The following AMBRA1 variants were observed in gnomAD, a reference collection of about 807,000 sequenced individuals.
AMBRA1 encodes the protein autophagy and beclin 1 regulator 1.
A neutral mutation model predicts 125.4 loss-of-function variants in AMBRA1; 47 were observed. The observed-to-expected ratio is 0.37, with a 90% CI of 0.30 to 0.48. The LOEUF (loss-of-function observed/expected upper bound fraction) is 0.48. Ranked by LOEUF, AMBRA1 falls within the 20% of genes least tolerant of loss-of-function variation. AMBRA1 has a pLI of 0.99. For synonymous variants in AMBRA1, 626 were observed against 655.5 expected (o/e 0.95, Z 0.69); for missense variants, 1,331 against 1,693.4 (o/e 0.79, Z 3.76).
At chr11:46,407,170 C>T (rs1422076133) in intron 17 of AMBRA1, among the ~76,000 whole-genome samples, 1 of 152,104 alleles carries the variant, frequency 6.6e-6, no homozygotes, top group Non-Finnish European at 1.5e-5. Flanking sequence ...TGCCACTGCA[C>T]TCCAGCTTAG....
At chr11:46,518,862 T>C (rs2135083065) in intron 7 of AMBRA1, among the ~76,000 whole-genome samples, 1 of 152,362 alleles carries the variant, frequency 6.6e-6, no homozygotes, top group Admixed American at 6.5e-5. Context: ...CTATTTTTTC[T>C]TTCCCTGATT....
chr11:46,498,873 C>T (rs1004530949), intron 9 of AMBRA1, among the ~76,000 whole-genome samples: 6 of 152,200 alleles, frequency 3.9e-5, no homozygotes, highest in African/African-American at 1.4e-4. Flanking sequence ...TCTGTTTCTA[C>T]TCAATCTCCA....
chr11:46,415,699 T>C (rs1490866361), intron 15 of AMBRA1, among the ~76,000 whole-genome samples: 2 of 152,364 alleles, frequency 1.3e-5, no homozygotes, highest in East Asian at 3.9e-4. Context: ...TGGGCTAAAC[T>C]AGTTTTCTTA....
At chr11:46,414,533 T>C (rs1366331743) in intron 15 of AMBRA1, among the ~76,000 whole-genome samples, 1 of 152,208 alleles carries the variant, frequency 6.6e-6, no homozygotes, top group Admixed American at 6.5e-5. Flanking sequence ...GGCAGTGGGC[T>C]TCCCGCCAGC....
At position 46,534,953 on chromosome 11, in the gene AMBRA1, C is replaced by A. The variant is rs573339580; in HGVS notation, c.2072+6992G>T. The stretch of plus-strand genomic sequence containing the variant: ...CTTCTCAGAGTGCTGGGATTACAGG[C>A]ATGAGCCACCACACCCAGCCCTCAG... On this transcript the variant is annotated intron_variant, in intron 7 of 17. Coordinates refer to ENST00000683756, the MANE Select transcript of AMBRA1 (RefSeq NM_001387011.1). Among the ~76,000 whole-genome samples, 3 of 152,360 alleles carry A rather than the reference C, an allele frequency of 2.0e-5. No individual in the cohort carries two copies. The East Asian group carries it at 5.8e-4, about 29-fold the overall frequency.
chr11:46,591,620 G>A (rs1165499536), intron 1 of AMBRA1, among the ~76,000 whole-genome samples: 1 of 152,054 alleles, frequency 6.6e-6, no homozygotes, highest in African/African-American at 2.4e-5. Flanking sequence ...ACTTTGGGAG[G>A]CCAAGGCAGG....
chr11:46,574,332 T>C (rs1431450218), intron 1 of AMBRA1, among the ~76,000 whole-genome samples: 5 of 148,074 alleles, frequency 3.4e-5, no homozygotes, highest in African/African-American at 1.3e-4. Context: ...CACCTGTTGT[T>C]TCCTGACTTT....
rs1948111971 is a variant in AMBRA1 at position 46,443,359 on chromosome 11, C to T, written c.2632+129G>A. ...TGAAAAGAAAGTTACAGAAGAGGTG[C>T]AGAAATGGCATGTAGATAACAACTG... On this transcript the variant is annotated intron_variant, in intron 12 of 17. Transcript: ENST00000683756. 1.2e-5 allele frequency: 8 copies of T among 681,012 alleles called. No individual in the cohort carries two copies. The South Asian group carries it at 1.3e-4, about 11-fold the overall frequency. The allele number at this position is 681,012 out of a possible 1,614,324, so 42.2% of individuals were successfully genotyped here. A position where few individuals can be genotyped will look rare whatever the true frequency, so the allele number is the denominator to read the frequency against.
intron 1 of AMBRA1, among the ~76,000 whole-genome samples, chr11:46,563,516 G>A (rs7110413): frequency 0.019 from 2,850 of 152,090 alleles, 99 homozygotes; most frequent in African/African-American, 0.065. Context: ...TGAGCCACAC[G>A]GCACCCTGAT....
chr11:46,571,043 G>A (rs2043739431), intron 1 of AMBRA1, among the ~76,000 whole-genome samples: 1 of 152,190 alleles, frequency 6.6e-6, no homozygotes, highest in Admixed American at 6.5e-5. Flanking sequence ...AGTACAAAGT[G>A]GCATGGTTTG....
chr11:46,516,423 CTTTTTTTTTTTT>C (rs1162985350), intron 7 of AMBRA1, among the ~76,000 whole-genome samples: 4 of 73,178 alleles, frequency 5.5e-5, no homozygotes, highest in Non-Finnish European at 1.0e-4. Context: ...AAAGATCTTT[CTTTTTTTTTTTT>C]TTTTTTTTTT....
chr11:46,545,295 A>G (rs2135179559), intron 5 of AMBRA1, among the ~76,000 whole-genome samples: 1 of 151,538 alleles, frequency 6.6e-6, no homozygotes, highest in African/African-American at 2.4e-5. Context: ...CCCTATCTTT[A>G]TTAAAAATAC....
intron 6 of AMBRA1, 74 bp downstream of exon 6, chr11:46,543,901 T>C: frequency 8.4e-7 from 1 of 1,190,452 alleles, no homozygotes; most frequent in Non-Finnish European, 1.2e-6. Context: ...AAATCCAATA[T>C]AATCAGAATT....
intron 17 of AMBRA1, 86 bp downstream of exon 17, chr11:46,408,426 GA>G: frequency 7.6e-7 from 1 of 1,321,546 alleles, no homozygotes; most frequent in Non-Finnish European, 9.8e-7. Context: ...CCAGACATGG[GA>G]GGGGGTATGC....
intron 1 of AMBRA1, among the ~76,000 whole-genome samples, chr11:46,587,876 G>A (rs2044458818): frequency 6.6e-6 from 1 of 152,072 alleles, no homozygotes; most frequent in South Asian, 2.1e-4. Context: ...GAAACACACA[G>A]TCACAATCAA....
intron 1 of AMBRA1, among the ~76,000 whole-genome samples, chr11:46,563,765 T>C (rs2135247081): frequency 6.9e-6 from 1 of 145,592 alleles, no homozygotes; most frequent in East Asian, 2.0e-4. Context: ...CACTTGAACC[T>C]AGGAGACGGT....
chr11:46,428,905 G>T, intron 14 of AMBRA1: 6 of 1,611,918 alleles, frequency 3.7e-6, no homozygotes, highest in Non-Finnish European at 5.1e-6. Flanking sequence ...GCAGATGAAG[G>T]TAATCACGGA....
intron 9 of AMBRA1, among the ~76,000 whole-genome samples, chr11:46,505,749 G>C (rs1018227153): frequency 6.6e-6 from 1 of 151,966 alleles, no homozygotes; most frequent in Non-Finnish European, 1.5e-5. Context: ...AAATCGAGGG[G>C]GAAGGAAGGG....
Position 46,545,599 on chromosome 11 carries a change from C to T in AMBRA1, c.551+5G>A, listed in dbSNP as rs748006215. On this transcript the variant is annotated splice_donor_5th_base_variant and intron_variant, in intron 5 of 17. Coordinates refer to ENST00000683756, the MANE Select transcript of AMBRA1 (RefSeq NM_001387011.1). ...CAGACAATGCAGATGGGGCAGCGCACTCACCGGACCCGTTCCATCTCACTA... is the reference window on the plus strand; with the variant it reads ...CAGACAATGCAGATGGGGCAGCGCATTCACCGGACCCGTTCCATCTCACTA... 6.2e-7 allele frequency: 1 copy of T among 1,613,290 alleles called. No homozygotes were observed. Among genetic ancestry groups the T allele is most frequent in the Admixed American group, 1.7e-5 (1 of 59,998 alleles).
Sources: allele counts gnomAD v4.1 joint callset (sites outside exome capture counted in the v4.1 genomes callset), GRCh38; gene constraint gnomAD v4.1.1; transcripts MANE v1.5; gene names NCBI Gene and HGNC (gene_info 2026-07-23, HGNC 2026-07-21).